Variants in GK observed in about 807,000 individuals in gnomAD.
The protein encoded by GK is glycerol kinase.
GK carries 9 observed loss-of-function variants against 56.4 expected under a neutral mutation model. That is an observed-to-expected ratio of 0.16 (90% CI 0.10 to 0.28). The LOEUF is 0.28. GK is among the 10% of genes least tolerant of loss of function. GK has a pLI of 1.00. For synonymous variants in GK, 104 were observed against 144.1 expected, an observed-to-expected ratio of 0.72 and a Z score of 1.99; for missense variants, 161 against 431.4, an observed-to-expected ratio of 0.37 and a Z score of 5.55.
At chrX:30,661,971 T>C (rs112552292) in intron 1 of GK, among the ~76,000 whole-genome samples, 5,976 of 112,395 alleles carry the variant, frequency 0.053, 174 homozygotes, top group Non-Finnish European at 0.078. Flanking sequence ...GAAACATCAT[T>C]AGCCTTCTTT....
Position 30,668,025 on chromosome X carries a change from G to C in GK, c.166G>C (p.Asp56His). ...EFPREGWVEQ[D>H]PKEILHSVYE... The stretch of plus-strand genomic sequence containing the variant: ...TTTTGTTCAAAGATGGGTGGAACAG[G>C]ACCCTAAGGAAATTCTACATTCTGT... Residue 56 changes from aspartate to histidine, a missense_variant, in exon 3 of 21, where the codon GAC becomes CAC. Coordinates refer to ENST00000427190, the MANE Select transcript of GK (RefSeq NM_001205019.2). 9.1e-7 allele frequency: 1 copy of C among 1,095,826 alleles called. No individual in the cohort carries two copies. 90.3% of individuals were successfully genotyped at this position (1,095,826 alleles called of 1,213,427 possible).
At position 30,671,291 on chromosome X, in the gene GK, C is replaced by CAA. The variant is rs56822779; in HGVS notation, c.259+3196_259+3197dup. Among the ~76,000 whole-genome samples, 246 of 26,500 alleles carry CAA rather than the reference C, an allele frequency of 9.3e-3. 1 individual carries two copies. Among genetic ancestry groups the CAA allele is most frequent in the African/African-American group, 0.015 (112 of 7,557 alleles). The allele number at this position is 26,500 out of a possible 115,157, so 23.0% of individuals were successfully genotyped here. On this transcript the variant is annotated intron_variant, in intron 3 of 20. Coordinates refer to ENST00000427190, the MANE Select transcript of GK (RefSeq NM_001205019.2). Reference sequence around the variant, plus strand: ...GGGCAACAAGAGCGAAACTCCATCTCAAAAAAAAAAAAAAAAAAAAAAAAC... The same window carrying CAA: ...GGGCAACAAGAGCGAAACTCCATCTCAAAAAAAAAAAAAAAAAAAAAAAAAAC...
chrX:30,656,188 A>C (rs1451014113), intron 1 of GK, among the ~76,000 whole-genome samples: 1 of 112,054 alleles, frequency 8.9e-6, no homozygotes, highest in Non-Finnish European at 1.9e-5. Flanking sequence ...GATTTGCTGA[A>C]TAAGTGCTTC....
chrX:30,710,659 A>T (rs566352152), intron 13 of GK, among the ~76,000 whole-genome samples: 6 of 111,631 alleles, frequency 5.4e-5, no homozygotes, highest in African/African-American at 1.6e-4. Flanking sequence ...AGTTGGAGAT[A>T]GGAAAATTTT....
Position 30,730,232 on chromosome X carries a change from T to C in GK, c.*1490T>C, listed in dbSNP as rs1483125991. The C allele has an allele frequency of 8.9e-6, 1 of 112,149 alleles. No individual in the cohort carries two copies. Among genetic ancestry groups the C allele is most frequent in the Non-Finnish European group, 1.9e-5 (1 of 53,213 alleles). The allele number at this position is 112,149 out of a possible 1,213,427, so 9.2% of individuals were successfully genotyped here. ...ATTATTTTTTTCAATGAGTGCTGAATGGGAAAACATTTATATCTTACTATA... is the reference window on the plus strand; with the variant it reads ...ATTATTTTTTTCAATGAGTGCTGAACGGGAAAACATTTATATCTTACTATA... On this transcript the variant is annotated 3_prime_UTR_variant, in exon 21 of 21. Transcript: ENST00000427190.
At chrX:30,691,495 G>A (rs1161065259) in intron 5 of GK, among the ~76,000 whole-genome samples, 30 of 93,138 alleles carry the variant, frequency 3.2e-4, no homozygotes, top group Admixed American at 3.7e-4. Context: ...TTTTTGAGAC[G>A]GAGTTTTATG....
At chrX:30,689,772 G>C in intron 4 of GK, 1 of 222,633 alleles carries the variant, frequency 4.5e-6, no homozygotes, top group Non-Finnish European at 8.6e-6. Flanking sequence ...TGAGGGTGAG[G>C]GTGGAACGAT....
intron 13 of GK, 124 bp downstream of exon 13, chrX:30,708,258 G>A (rs1262155588): frequency 2.2e-6 from 1 of 450,373 alleles, no homozygotes; most frequent in Non-Finnish European, 3.8e-6. Context: ...CTGCTTTCTT[G>A]GCATTTGATT....
At chrX:30,659,048 GA>G (rs1195588930) in intron 1 of GK, among the ~76,000 whole-genome samples, 7 of 111,955 alleles carry the variant, frequency 6.3e-5, no homozygotes, top group Non-Finnish European at 1.3e-4. Context: ...TCCTTTTTGA[GA>G]CAGAGTTTCA....
intron 18 of GK, chrX:30,723,889 C>G (rs899729983): frequency 2.3e-6 from 1 of 439,085 alleles, no homozygotes; most frequent in African/African-American, 2.4e-5. Flanking sequence ...TCCCTGTGTC[C>G]TGTTTCACTC....
chrX:30,657,540 A>G (rs1031429182), intron 1 of GK, among the ~76,000 whole-genome samples: 2 of 112,838 alleles, frequency 1.8e-5, no homozygotes, highest in African/African-American at 6.4e-5. Context: ...ATTTTTTAAA[A>G]GACTTGTAAT....
chrX:30,719,908 C>T, intron 15 of GK, 103 bp from the exon 16 acceptor site: 2 of 566,373 alleles, frequency 3.5e-6, no homozygotes, highest in Non-Finnish European at 6.2e-6. Context: ...TTTTCTCTTC[C>T]TGGACATTTC....
intron 1 of GK, 99 bp downstream of exon 1, chrX:30,653,714 C>G (rs1418099140): frequency 1.1e-4 from 84 of 795,876 alleles, no homozygotes; most frequent in Non-Finnish European, 1.4e-4. Context: ...CTCTCCGGCC[C>G]GGTGCCCCGG....
At chrX:30,674,146 T>C (rs1167873664) in intron 3 of GK, among the ~76,000 whole-genome samples, 1 of 111,732 alleles carries the variant, frequency 8.9e-6, no homozygotes, top group East Asian at 2.8e-4. Context: ...CCTGTAAAGT[T>C]GGAACTATTA....
intron 5 of GK, 82 bp from the exon 6 acceptor site, chrX:30,694,318 T>A: frequency 5.7e-6 from 5 of 870,743 alleles, no homozygotes; most frequent in Non-Finnish European, 8.5e-6. Flanking sequence ...TATTTTGTGA[T>A]TTGTTGAGTT....
At position 30,697,720 on chromosome X, in the gene GK, T is replaced by C. The variant is rs1183390183; in HGVS notation, c.730-12T>C. On this transcript the variant is annotated splice_polypyrimidine_tract_variant and intron_variant, in intron 8 of 20. Coordinates refer to ENST00000427190, the MANE Select transcript of GK (RefSeq NM_001205019.2). ...TGCTTCTATCCTTCTCTCTCCCCCT[T>C]GCTGACTATAGAAAATCTCTCATAG... is the stretch of plus-strand genomic sequence containing the variant. The C allele has an allele frequency of 2.6e-6, 3 of 1,144,461 alleles. No individual in the cohort carries two copies. The highest frequency in any genetic ancestry group is 1.8e-5 in the African/African-American group (1 of 56,600). 94.3% of individuals were successfully genotyped at this position (1,144,461 alleles called of 1,213,427 possible). A position where few individuals can be genotyped will look rare whatever the true frequency, so the allele number is the denominator to read the frequency against.
intron 10 of GK, 149 bp downstream of exon 10, chrX:30,700,598 C>T: frequency 1.9e-6 from 1 of 518,631 alleles, no homozygotes; most frequent in South Asian, 2.9e-5. Context: ...ACATGTCATA[C>T]TGTGGGCCAT....
At chrX:30,675,583 A>G (rs1237102235) in intron 3 of GK, among the ~76,000 whole-genome samples, 1 of 102,470 alleles carries the variant, frequency 9.8e-6, no homozygotes, top group Non-Finnish European at 2.0e-5. Context: ...CAGTGGCACC[A>G]TCAGAGCTCA....
chrX:30,707,627 T>A, intron 12 of GK, 29 bp downstream of exon 12: 1 of 815,310 alleles, frequency 1.2e-6, no homozygotes, highest in Non-Finnish European at 1.9e-6. Context: ...AAAATTGATT[T>A]AAAAGTCTAA....
Sources: gnomAD v4.1 joint callset for allele counts (sites outside exome capture counted in the v4.1 genomes callset) on GRCh38, gnomAD v4.1.1 for gene constraint, MANE v1.5 for transcripts, NCBI Gene and HGNC (gene_info 2026-07-23, HGNC 2026-07-21) for gene names.